The following MCCC1 variants were observed in gnomAD, a reference collection of about 807,000 sequenced individuals.
MCCC1 encodes the protein methylcrotonyl-CoA carboxylase subunit 1, also known as methylcrotonoyl-CoA carboxylase subunit alpha, mitochondrial.
In MCCC1, 64 loss-of-function variants were observed where a neutral mutation model predicts 83.8. That is an observed-to-expected ratio of 0.76 (90% CI 0.62 to 0.94). The LOEUF is 0.94. Among genes scored for constraint, MCCC1 ranks in the 40% least tolerant of loss-of-function variants. The pLI, the probability that MCCC1 is intolerant of heterozygous loss-of-function variation, is 0.00. For synonymous variants in MCCC1, 322 were observed against 315.4 expected, an observed-to-expected ratio of 1.02 and a Z score of -0.22; for missense variants, 807 against 904.7, an observed-to-expected ratio of 0.89 and a Z score of 1.39.
At chr3:183,093,585 GTTCT>G (rs773311972) in intron 2 of MCCC1, among the ~76,000 whole-genome samples, 1 of 151,982 alleles carries the variant, frequency 6.6e-6, no homozygotes, top group Non-Finnish European at 1.5e-5. Context: ...TGAAATAAAT[GTTCT>G]TTGACAGTTC....
intron 15 of MCCC1, 51 bp downstream of exon 15, chr3:183,025,704 A>G: frequency 1.3e-6 from 2 of 1,497,004 alleles, no homozygotes; most frequent in Non-Finnish European, 1.9e-6. Flanking sequence ...ATTCAGTATA[A>G]AAGCGGTCAG....
intron 1 of MCCC1, among the ~76,000 whole-genome samples, chr3:183,111,366 C>T (rs1414098261): frequency 6.6e-6 from 1 of 152,100 alleles, no homozygotes; most frequent in Non-Finnish European, 1.5e-5. Flanking sequence ...GTGGCGCAAT[C>T]TCAGTTCACT....
chr3:183,110,542 C>T (rs1252155465), intron 1 of MCCC1, among the ~76,000 whole-genome samples: 10 of 151,946 alleles, frequency 6.6e-5, no homozygotes, highest in African/African-American at 2.4e-5. Context: ...TACAGGCGCC[C>T]GCCACTACGC....
chr3:183,054,293 C>T (rs1715245236), intron 8 of MCCC1, among the ~76,000 whole-genome samples: 1 of 149,316 alleles, frequency 6.7e-6, no homozygotes, highest in African/African-American at 2.5e-5. Flanking sequence ...TCAGGCCATT[C>T]TCCTGCCTCA....
chr3:183,024,437 A>G (rs1275278673), intron 15 of MCCC1, among the ~76,000 whole-genome samples: 1 of 152,128 alleles, frequency 6.6e-6, no homozygotes, highest in Non-Finnish European at 1.5e-5. Context: ...ATAACTTAAC[A>G]ACAACAACAA....
chr3:183,102,906 C>T (rs895687683), upstream of MCCC1, among the ~76,000 whole-genome samples: 1 of 150,666 alleles, frequency 6.6e-6, no homozygotes, highest in African/African-American at 2.4e-5. Context: ...CATGGCTCAG[C>T]CTCCCGAATA....
At chr3:183,104,965 C>G (rs1015369621) in intron 1 of MCCC1, among the ~76,000 whole-genome samples, 1 of 152,182 alleles carries the variant, frequency 6.6e-6, no homozygotes, top group African/African-American at 2.4e-5. Context: ...CAGATATACC[C>G]AAAGATGTTT....
Position 183,064,538 on chromosome 3 carries a change from C to A in MCCC1, c.761+6461G>T, listed in dbSNP as rs1210026805. Among the ~76,000 whole-genome samples the A allele has an allele frequency of 6.6e-6, 1 of 152,150 alleles. No individual in the cohort carries two copies. The highest frequency in any genetic ancestry group is 2.1e-4 in the South Asian group (1 of 4,832). The stretch of plus-strand genomic sequence containing the variant: ...CTGCACCCCGCGCGCCTGCTCATGG[C>A]ACGCCACCAGCACGGGCCAGGCGCA... On this transcript the variant is annotated intron_variant, in intron 7 of 18. Transcript: ENST00000265594. This position sits in a 1 kb window ranked among gnomAD's most constrained non-coding sequence, Gnocchi z 4.5.
At chr3:183,100,793 G>A (rs936029749), upstream of MCCC1, among the ~76,000 whole-genome samples, 2 of 152,260 alleles carry the variant, frequency 1.3e-5, no homozygotes, top group Non-Finnish European at 2.9e-5. Context: ...TCCCACTTTG[G>A]TGGCATTTGA....
chr3:183,101,944 T>G (rs1019566312), upstream of MCCC1, among the ~76,000 whole-genome samples: 1 of 151,606 alleles, frequency 6.6e-6, no homozygotes, highest in Non-Finnish European at 1.5e-5. Context: ...CCTGAGCCAG[T>G]GAGACCACGA....
At chr3:183,110,049 C>A (rs1187018248) in intron 1 of MCCC1, among the ~76,000 whole-genome samples, 1 of 152,026 alleles carries the variant, frequency 6.6e-6, no homozygotes, top group Non-Finnish European at 1.5e-5. Context: ...GCATGTATGT[C>A]CTCTTTTGAG....
intron 15 of MCCC1, 194 bp from the exon 16 acceptor site, chr3:183,022,748 G>A: frequency 7.5e-6 from 4 of 532,004 alleles, no homozygotes; most frequent in Non-Finnish European, 1.3e-5. Context: ...AGAAATGACA[G>A]GAAGATAATT....
intron 1 of MCCC1, among the ~76,000 whole-genome samples, chr3:183,097,090 G>A (rs188138685): frequency 5.9e-5 from 9 of 152,322 alleles, no homozygotes; most frequent in African/African-American, 2.2e-4. Flanking sequence ...ACAATGTTCT[G>A]ATCATCTATT....
intron 15 of MCCC1, among the ~76,000 whole-genome samples, chr3:183,024,420 T>A (rs1712414291): frequency 6.6e-6 from 1 of 152,150 alleles, no homozygotes; most frequent in South Asian, 2.1e-4. Flanking sequence ...TTTTTTCAAT[T>A]TATCCTATAA....
chr3:183,096,540 T>C (rs1718750773), intron 1 of MCCC1, among the ~76,000 whole-genome samples: 1 of 152,162 alleles, frequency 6.6e-6, no homozygotes, highest in African/African-American at 2.4e-5. Context: ...ATATACATAT[T>C]ATGTATATGA....
chr3:183,108,895 T>C (rs1354277809), intron 1 of MCCC1, among the ~76,000 whole-genome samples: 1 of 152,212 alleles, frequency 6.6e-6, no homozygotes, highest in East Asian at 1.9e-4. Context: ...TACAGCATCA[T>C]ATGTATTGAA....
chr3:183,034,256 C>T (rs745446577), intron 13 of MCCC1, among the ~76,000 whole-genome samples, 179 bp from the exon 14 acceptor site: 1 of 152,152 alleles, frequency 6.6e-6, no homozygotes, highest in African/African-American at 2.4e-5. Context: ...CGAGACCATC[C>T]TAGCTAACAC....
intron 8 of MCCC1, among the ~76,000 whole-genome samples, chr3:183,056,188 C>T (rs1002871672): frequency 1.3e-5 from 2 of 151,978 alleles, no homozygotes; most frequent in African/African-American, 4.8e-5. Context: ...TGTCAATATT[C>T]ATGGCATAAC....
intron 2 of MCCC1, among the ~76,000 whole-genome samples, chr3:183,093,280 C>T (rs1301149684): frequency 6.6e-6 from 1 of 152,190 alleles, no homozygotes; most frequent in Non-Finnish European, 1.5e-5. Context: ...CACAATAATC[C>T]TAATGAAATA....
Sources: gnomAD v4.1 joint callset for allele counts (sites outside exome capture counted in the v4.1 genomes callset) on GRCh38, gnomAD v4.1.1 for gene constraint, Gnocchi (gnomAD v3.1) non-coding constraint, MANE v1.5 for transcripts, NCBI Gene and HGNC (gene_info 2026-07-23, HGNC 2026-07-21) for gene names.